The following POMGNT2 variants were observed in gnomAD, a reference collection of about 807,000 sequenced individuals.
POMGNT2 encodes the protein protein O-linked mannose N-acetylglucosaminyltransferase 2 (beta 1,4-), also known as protein O-linked-mannose beta-1,4-N-acetylglucosaminyltransferase 2.
In POMGNT2, 32 loss-of-function variants were observed where a neutral mutation model predicts 37.8. That is an observed-to-expected ratio of 0.85 (90% CI 0.64 to 1.14). The LOEUF is 1.14. Ranked by LOEUF, POMGNT2 falls within the 50% of genes most tolerant of loss-of-function variation. The pLI is 0.00. For synonymous variants in POMGNT2, 340 were observed against 336.8 expected, an observed-to-expected ratio of 1.01 and a Z score of -0.10; for missense variants, 705 against 780.6, an observed-to-expected ratio of 0.90 and a Z score of 1.15.
Position 43,080,199 on chromosome 3 carries a change from C to G in POMGNT2, c.1233G>C (p.Gln411His), listed in dbSNP as rs9811883. The G allele has an allele frequency of 1.2e-6, 2 of 1,613,988 alleles. No individual in the cohort carries two copies. Among genetic ancestry groups the G allele is most frequent in the African/African-American group, 1.3e-5 (1 of 75,014 alleles). The part of the protein sequence containing the change: ...TVTHPERPWD[Q>H]GGITHLDRAE... The stretch of plus-strand genomic sequence containing the variant: ...CCCGGTCCAGATGGGTGATGCCCCC[C>G]TGATCCCAGGGCCGCTCAGGGTGTG... The change falls in exon 2 of 2, where the codon CAG becomes CAC. Residue 411 changes from glutamine to histidine, a missense_variant. By Grantham distance (24) the Gln-to-His change is conservative. Transcript: ENST00000344697.
intron 1 of POMGNT2, among the ~76,000 whole-genome samples, chr3:43,096,385 C>T (rs756111152): frequency 6.6e-6 from 1 of 152,202 alleles, no homozygotes; most frequent in Non-Finnish European, 1.5e-5. Flanking sequence ...ATACTGAACA[C>T]TGTAGGTATA....
rs994303649 is a variant in POMGNT2, at chr3:43,081,521, G to A, written c.-90C>T. ...CTTCACCCATCCCTATGGGCATCCTGAGAACTGGTGAAAGCCTGCAGGAGG... is the reference window on the plus strand; with the variant it reads ...CTTCACCCATCCCTATGGGCATCCTAAGAACTGGTGAAAGCCTGCAGGAGG... On this transcript the variant is annotated 5_prime_UTR_variant, in exon 2 of 2. Coordinates refer to ENST00000344697, the MANE Select transcript of POMGNT2 (RefSeq NM_032806.6). 3 of 1,094,980 alleles carry A rather than the reference G, an allele frequency of 2.7e-6. No homozygotes were observed. Among genetic ancestry groups the A allele is most frequent in the South Asian group, 1.6e-5 (1 of 60,762 alleles). The allele number at this position is 1,094,980 out of a possible 1,614,324, so 67.8% of individuals were successfully genotyped here.
At chr3:43,094,183 G>A (rs1432037760) in intron 1 of POMGNT2, among the ~76,000 whole-genome samples, 3 of 152,120 alleles carry the variant, frequency 2.0e-5, no homozygotes, top group Admixed American at 6.5e-5. Flanking sequence ...CCAAACTGAA[G>A]GATCATGCAA....
chr3:43,088,099 A>G (rs1458559955), intron 1 of POMGNT2: 5 of 152,236 alleles, frequency 3.3e-5, no homozygotes, highest in Non-Finnish European at 7.3e-5. Context: ...AGTGGAGCTG[A>G]AAATAAAAAG....
chr3:43,092,867 A>C (rs2089953969), intron 1 of POMGNT2, among the ~76,000 whole-genome samples: 1 of 152,262 alleles, frequency 6.6e-6, no homozygotes, highest in African/African-American at 2.4e-5. Context: ...ATAAATCGAT[A>C]TTCAGGAAAA....
At chr3:43,086,064 T>G (rs1575466089) in intron 1 of POMGNT2, among the ~76,000 whole-genome samples, 1 of 150,952 alleles carries the variant, frequency 6.6e-6, no homozygotes, top group South Asian at 2.1e-4. Flanking sequence ...TAGGGATAAA[T>G]TTGTCTACTC....
intron 1 of POMGNT2, among the ~76,000 whole-genome samples, chr3:43,100,487 T>C (rs1357319913): frequency 6.6e-6 from 1 of 152,218 alleles, no homozygotes; most frequent in Non-Finnish European, 1.5e-5. Flanking sequence ...GGCAACTGTA[T>C]ACAAATTCTC....
Position 43,088,234 on chromosome 3 carries a change from A to C in POMGNT2, c.-105-6698T>G, listed in dbSNP as rs555605046. 8.5e-5 allele frequency among the ~76,000 whole-genome samples: 13 copies of C among 152,342 alleles called. No individual in the cohort carries two copies. The East Asian group carries it at 2.5e-3, about 29-fold the overall frequency. ...TCAAAGCAAAAACTGATCAGTGGTG[A>C]GGCAGGCACTGTCACTTTTCATCAC... On this transcript the variant is annotated intron_variant, in intron 1 of 1. Transcript: ENST00000344697.
At chr3:43,100,021 T>A (rs1363485935) in intron 1 of POMGNT2, among the ~76,000 whole-genome samples, 3 of 152,224 alleles carry the variant, frequency 2.0e-5, no homozygotes, top group Admixed American at 2.0e-4. Context: ...CCAGGTAGGC[T>A]GGCTACAGGG....
At chr3:43,091,722 C>T (rs892390760) in intron 1 of POMGNT2, among the ~76,000 whole-genome samples, 2 of 152,226 alleles carry the variant, frequency 1.3e-5, no homozygotes, top group African/African-American at 4.8e-5. Context: ...ATTAACATCA[C>T]CTGTAATAAC....
intron 1 of POMGNT2, among the ~76,000 whole-genome samples, chr3:43,095,513 G>A (rs113147480): frequency 1.3e-5 from 2 of 151,610 alleles, no homozygotes; most frequent in African/African-American, 2.4e-5. Flanking sequence ...CTAACAAAGC[G>A]TCCTCCAGCC....
chr3:43,099,552 G>A (rs2090002525), intron 1 of POMGNT2, among the ~76,000 whole-genome samples: 1 of 152,206 alleles, frequency 6.6e-6, no homozygotes, highest in Non-Finnish European at 1.5e-5. Flanking sequence ...AGTTCAGTGG[G>A]CACTGCATAC....
intron 1 of POMGNT2, among the ~76,000 whole-genome samples, chr3:43,099,799 G>C (rs1468510091): frequency 6.6e-6 from 1 of 152,088 alleles, no homozygotes; most frequent in East Asian, 1.9e-4. Flanking sequence ...GAATTAGGCT[G>C]AGTTTTCCTT....
rs746938365 is a variant in POMGNT2 at position 43,080,993 on chromosome 3, C to G, written c.439G>C (p.Val147Leu). ...ATGAGGGCCACGTCTGGCACGAACA[C>G]CGGCTTGGGCATGAAGCGCAGGGCA... ...AAALRFMPKP[V>L]FVPDVALIAN... The change falls in exon 2 of 2, where the codon GTG (valine) becomes CTG (leucine). Residue 147 changes from valine (V) to leucine (L), a missense_variant. Val to Leu is a conservative substitution (Grantham distance 32, BLOSUM62 1). Coordinates refer to ENST00000344697, the MANE Select transcript of POMGNT2 (RefSeq NM_032806.6). 6.2e-7 allele frequency: 1 copy of G among 1,614,092 alleles called. No individual in the cohort carries two copies. The highest frequency in any genetic ancestry group is 1.3e-5 in the African/African-American group (1 of 74,934).
At position 43,080,271 on chromosome 3, in the gene POMGNT2, G is replaced by A. The variant is rs547356946; in HGVS notation, c.1161C>T (p.Asp387=). 1.9e-6 allele frequency: 3 copies of A among 1,614,198 alleles called. No individual in the cohort carries two copies. The highest frequency in any genetic ancestry group is 3.3e-5 in the Admixed American group (2 of 60,030). ...YKTLAMLPGM[D]LQYVAWRNMM... ...TGTTCCGCCAGGCTACATACTGGAGGTCCATGCCAGGCAGCATGGCCAGCG... is the reference window on the plus strand; with the variant it reads ...TGTTCCGCCAGGCTACATACTGGAGATCCATGCCAGGCAGCATGGCCAGCG... The change falls in exon 2 of 2, where the codon GAC becomes GAT. Residue 387 remains aspartate, a synonymous_variant. Coordinates refer to ENST00000344697, the MANE Select transcript of POMGNT2 (RefSeq NM_032806.6).
At chr3:43,092,721 A>C (rs1381075580) in intron 1 of POMGNT2, among the ~76,000 whole-genome samples, 1 of 152,252 alleles carries the variant, frequency 6.6e-6, no homozygotes, top group Non-Finnish European at 1.5e-5. Context: ...ATCACTGTGG[A>C]AGATGGTGGA....
intron 1 of POMGNT2, among the ~76,000 whole-genome samples, chr3:43,101,594 T>A (rs2090019510): frequency 6.6e-6 from 1 of 152,134 alleles, no homozygotes; most frequent in Non-Finnish European, 1.5e-5. Context: ...ACTTGTGTCT[T>A]AATAAAGCTT....
rs747514292 is a variant in POMGNT2, at chr3:43,080,766, G to C, written c.666C>G (p.Thr222=). The C allele has an allele frequency of 5.6e-6, 9 of 1,614,002 alleles. No individual in the cohort carries two copies. In the East Asian group the frequency reaches 1.6e-4, roughly 28 times the overall value. ...KQPLLRAQLK[T]LGRLLCFSHA... Reference sequence around the variant, plus strand: ...GGGAGAAGCACAGCAGCCGGCCCAGGGTCTTCAGCTGTGCCCGCAGGAGAG... The same window carrying C: ...GGGAGAAGCACAGCAGCCGGCCCAGCGTCTTCAGCTGTGCCCGCAGGAGAG... Residue 222 remains threonine, a synonymous_variant, in exon 2 of 2, where the codon ACC becomes ACG. Transcript: ENST00000344697.
At chr3:43,104,320 A>C (rs2090041511) in intron 1 of POMGNT2, among the ~76,000 whole-genome samples, 1 of 152,228 alleles carries the variant, frequency 6.6e-6, no homozygotes, top group South Asian at 2.1e-4. Flanking sequence ...TGAGATTGGC[A>C]AGGACCCTTG....
Sources: allele counts gnomAD v4.1 joint callset (sites outside exome capture counted in the v4.1 genomes callset), GRCh38; gene constraint gnomAD v4.1.1; transcripts MANE v1.5; gene names NCBI Gene and HGNC (gene_info 2026-07-23, HGNC 2026-07-21).